Variants in CTNNA2 observed in about 807,000 individuals in gnomAD.
The protein encoded by CTNNA2 is catenin alpha-2.
CTNNA2 carries 42 observed loss-of-function variants against 101.0 expected under a neutral mutation model. The ratio of observed to expected loss-of-function variants is 0.42; its 90% confidence interval spans 0.32 to 0.54. CTNNA2 has a LOEUF of 0.54. Among genes scored for constraint, CTNNA2 ranks in the 20% least tolerant of loss-of-function variants. The pLI is 0.14. For missense variants in CTNNA2, 871 were observed against 1,223.1 expected (o/e 0.71, Z 4.29); for synonymous variants, 450 against 456.4 (o/e 0.99, Z 0.18).
intron 7 of CTNNA2, chr2:80,313,497 G>A (rs2149232401): frequency 6.4e-7 from 1 of 1,573,422 alleles, no homozygotes; most frequent in Non-Finnish European, 8.6e-7. Flanking sequence ...CAAGAGCTGT[G>A]GTTGAAGAGA....
At chr2:80,345,245 C>T (rs944526846) in intron 7 of CTNNA2, among the ~76,000 whole-genome samples, 16 of 152,196 alleles carry the variant, frequency 1.1e-4, no homozygotes, top group African/African-American at 3.9e-4. Context: ...TTCCACTGCT[C>T]TTCTTCATTC....
intron 7 of CTNNA2, among the ~76,000 whole-genome samples, chr2:80,132,037 T>G (rs1558837567): frequency 6.6e-6 from 1 of 152,138 alleles, no homozygotes; most frequent in Non-Finnish European, 1.5e-5. Context: ...GCCGAGATCT[T>G]GCCATCGTAC....
At chr2:79,289,305 T>G (rs1041966772) in intron 2 of CTNNA2, among the ~76,000 whole-genome samples, 2 of 152,188 alleles carry the variant, frequency 1.3e-5, no homozygotes, top group Non-Finnish European at 2.9e-5. Flanking sequence ...TTTGTTTTGT[T>G]TCTGTGAGCA....
chr2:80,116,664 A>G (rs1456415202), intron 7 of CTNNA2, among the ~76,000 whole-genome samples: 1 of 152,194 alleles, frequency 6.6e-6, no homozygotes, highest in Non-Finnish European at 1.5e-5. Flanking sequence ...CAATGTGTTT[A>G]GATATTTTAG....
At position 79,481,255 on chromosome 2, in the gene CTNNA2, A is replaced by G. The variant is rs576234111; in HGVS notation, c.-134-23799A>G. Reference sequence around the variant, plus strand: ...GAAGGTGCCTCTAAATTTGTCGTCTAGCAAAATACATTCTAAAATTATGTT... The same window carrying G: ...GAAGGTGCCTCTAAATTTGTCGTCTGGCAAAATACATTCTAAAATTATGTT... On this transcript the variant is annotated intron_variant, in intron 4 of 21. Coordinates refer to the CTNNA2 transcript ENST00000466387. Among the ~76,000 whole-genome samples, 3 of 152,322 alleles carry G rather than the reference A, an allele frequency of 2.0e-5. No homozygotes were observed. In the East Asian group the frequency reaches 5.8e-4, roughly 29 times the overall value.
At chr2:79,735,750 C>A (rs1670828887) in intron 2 of CTNNA2, among the ~76,000 whole-genome samples, 1 of 152,222 alleles carries the variant, frequency 6.6e-6, no homozygotes, top group African/African-American at 2.4e-5. Flanking sequence ...AATCATAAAA[C>A]CATATCTTCA....
At chr2:80,433,227 C>T (rs1040056331) in intron 9 of CTNNA2, among the ~76,000 whole-genome samples, 2 of 152,066 alleles carry the variant, frequency 1.3e-5, no homozygotes, top group African/African-American at 2.4e-5. Context: ...TTTTCCTGTG[C>T]CTATTCTGTA....
intron 7 of CTNNA2, among the ~76,000 whole-genome samples, chr2:80,182,794 T>G (rs1304016104): frequency 6.6e-6 from 1 of 152,056 alleles, no homozygotes; most frequent in Non-Finnish European, 1.5e-5. Context: ...GCAGAAGCAG[T>G]AGTGAGTGAA....
intron 7 of CTNNA2, among the ~76,000 whole-genome samples, chr2:80,108,937 A>C (rs1252741765): frequency 6.6e-6 from 1 of 152,168 alleles, no homozygotes; most frequent in Non-Finnish European, 1.5e-5. Flanking sequence ...TTTGCTTAGC[A>C]AATGGCATGG....
At chr2:79,461,945 T>C (rs1670883807) in intron 4 of CTNNA2, among the ~76,000 whole-genome samples, 1 of 151,934 alleles carries the variant, frequency 6.6e-6, no homozygotes, top group African/African-American at 2.4e-5. Context: ...GTAGCAAAAA[T>C]TTTTTAATTA....
Position 80,591,457 on chromosome 2 carries a change from G to GTTTTTTTTTTTTTTTTTTTT in CTNNA2, c.2189+1974_2189+1993dup, listed in dbSNP as rs567131551. On this transcript the variant is annotated intron_variant, in intron 15 of 18. Coordinates refer to ENST00000402739, the MANE Select transcript of CTNNA2 (RefSeq NM_001282597.3). ...ATTGCTGCCTCCATCTGCACAGCCT[G>GTTTTTTTTTTTTTTTTTTTT]TTTTTTTTTTTTTTTTTTTTTGCAA... Among the ~76,000 whole-genome samples, 343 of 70,290 alleles carry GTTTTTTTTTTTTTTTTTTTT rather than the reference G, an allele frequency of 4.9e-3. 78 individuals are homozygous for GTTTTTTTTTTTTTTTTTTTT. Among genetic ancestry groups the GTTTTTTTTTTTTTTTTTTTT allele is most frequent in the Non-Finnish European group, 7.3e-3 (242 of 33,372 alleles). 46.1% of individuals were successfully genotyped at this position (70,290 alleles called of 152,430 possible).
At chr2:79,429,602 G>A (rs1678629091) in intron 4 of CTNNA2, among the ~76,000 whole-genome samples, 1 of 152,058 alleles carries the variant, frequency 6.6e-6, no homozygotes, top group Admixed American at 6.6e-5. Context: ...ATTAAACAGA[G>A]TAATAAAATA....
At chr2:79,807,034 G>C (rs1676632216) in intron 3 of CTNNA2, among the ~76,000 whole-genome samples, 1 of 151,936 alleles carries the variant, frequency 6.6e-6, no homozygotes, top group Non-Finnish European at 1.5e-5. Flanking sequence ...GCTTACCTTT[G>C]ACTTCTCTGC....
At chr2:79,516,350 G>T (rs114501181) in intron 1 of CTNNA2, among the ~76,000 whole-genome samples, 33 of 152,292 alleles carry the variant, frequency 2.2e-4, no homozygotes, top group African/African-American at 6.5e-4. Flanking sequence ...AGTACTAGAG[G>T]AATTGGGAAG....
chr2:79,834,548 A>G (rs1168445288), intron 3 of CTNNA2, among the ~76,000 whole-genome samples: 3 of 151,760 alleles, frequency 2.0e-5, no homozygotes, highest in Non-Finnish European at 2.9e-5. Flanking sequence ...TGGGTTTGCT[A>G]TTTTCTTTGT....
At chr2:80,454,307 G>T (rs1430223887) in intron 9 of CTNNA2, among the ~76,000 whole-genome samples, 1 of 152,132 alleles carries the variant, frequency 6.6e-6, no homozygotes, top group Non-Finnish European at 1.5e-5. Flanking sequence ...TTCCTTTAAA[G>T]GGAAAATATG....
chr2:79,770,714 C>A (rs1201955926), intron 3 of CTNNA2, among the ~76,000 whole-genome samples: 1 of 152,164 alleles, frequency 6.6e-6, no homozygotes, highest in African/African-American at 2.4e-5. Flanking sequence ...TATATATGTT[C>A]TTTTTAAACT....
At chr2:80,015,631 G>A (rs546420990) in intron 7 of CTNNA2, among the ~76,000 whole-genome samples, 12 of 152,226 alleles carry the variant, frequency 7.9e-5, no homozygotes, top group South Asian at 2.1e-4. Context: ...CCCCTCCACC[G>A]GCTAGGTGAT....
intron 4 of CTNNA2, among the ~76,000 whole-genome samples, chr2:79,492,860 T>A (rs1400997494): frequency 1.3e-5 from 2 of 152,142 alleles, no homozygotes; most frequent in Non-Finnish European, 2.9e-5. Context: ...AGATTATCCA[T>A]CATCAACCAG....
Sources: allele counts gnomAD v4.1 joint callset (sites outside exome capture counted in the v4.1 genomes callset), GRCh38; gene constraint gnomAD v4.1.1; transcripts MANE v1.5; gene names NCBI Gene and HGNC (gene_info 2026-07-23, HGNC 2026-07-21).